Variants in IL23R observed in about 807,000 individuals in gnomAD.
IL23R encodes the protein interleukin-23 receptor.
In IL23R, 34 loss-of-function variants were observed where a neutral mutation model predicts 56.9. The ratio of observed to expected loss-of-function variants is 0.60; its 90% confidence interval spans 0.45 to 0.80. The LOEUF is 0.80. Ranked by LOEUF, IL23R falls within the 30% of genes least tolerant of loss-of-function variation. The pLI, the probability that IL23R is intolerant of heterozygous loss-of-function variation, is 0.00. For missense variants in IL23R, 635 were observed against 730.0 expected (o/e 0.87, Z 1.50); for synonymous variants, 230 against 249.2 (o/e 0.92, Z 0.73).
At chr1:67,243,662 G>A (rs1184373738) in intron 9 of IL23R, among the ~76,000 whole-genome samples, 1 of 152,178 alleles carries the variant, frequency 6.6e-6, no homozygotes, top group Non-Finnish European at 1.5e-5. Context: ...TGGCTGCATA[G>A]TATTCAATGA....
chr1:67,176,138 A>C (rs1054408590), intron 3 of IL23R, among the ~76,000 whole-genome samples: 1 of 152,168 alleles, frequency 6.6e-6, no homozygotes, highest in African/African-American at 2.4e-5. Flanking sequence ...GTTTTGGTGG[A>C]ATTGTGGAGG....
In IL23R at chr1:67,259,649, T is replaced by C. The variant is rs529289929; in HGVS notation, c.*521T>C. 6.3e-5 allele frequency: 10 copies of C among 159,698 alleles called. No homozygotes were observed. The highest frequency in any genetic ancestry group is 2.4e-4 in the African/African-American group (10 of 41,522). 9.9% of individuals were successfully genotyped at this position (159,698 alleles called of 1,614,324 possible). A position where few individuals can be genotyped will look rare whatever the true frequency, so the allele number is the denominator to read the frequency against. ...GCAAAATACCTGGTAGTAAAATAAA[T>C]GCTGAAAATTTTCCTTTAAAATAGA... On this transcript the variant is annotated 3_prime_UTR_variant, in exon 11 of 11. Coordinates refer to ENST00000347310, the MANE Select transcript of IL23R (RefSeq NM_144701.3).
At chr1:67,252,499 G>A (rs1652690197) in intron 9 of IL23R, among the ~76,000 whole-genome samples, 1 of 152,168 alleles carries the variant, frequency 6.6e-6, no homozygotes. Flanking sequence ...AACTTGGAGA[G>A]TTCAAAACAC....
intron 10 of IL23R, among the ~76,000 whole-genome samples, chr1:67,258,046 A>G (rs938725259): frequency 8.5e-5 from 13 of 152,266 alleles, no homozygotes; most frequent in African/African-American, 2.4e-4. Flanking sequence ...TATGTGAGCA[A>G]AATAGGATTC....
intron 7 of IL23R, among the ~76,000 whole-genome samples, chr1:67,226,617 C>T (rs777274498): frequency 2.3e-4 from 35 of 152,122 alleles, no homozygotes; most frequent in Non-Finnish European, 4.7e-4. Context: ...TACAGGATAG[C>T]GGGGCATAGC....
chr1:67,223,556 C>T (rs1221671417), intron 7 of IL23R, among the ~76,000 whole-genome samples: 1 of 152,030 alleles, frequency 6.6e-6, no homozygotes, highest in African/African-American at 2.4e-5. Context: ...TGAAAATGTA[C>T]CTTTTTTTCT....
At chr1:67,200,612 T>C (rs1648556341) in intron 4 of IL23R, 125 bp from the exon 5 acceptor site, 4 of 828,040 alleles carry the variant, frequency 4.8e-6, no homozygotes, top group Non-Finnish European at 6.0e-6. Context: ...CTCGAACTCC[T>C]GACCTCAGGT....
intron 4 of IL23R, among the ~76,000 whole-genome samples, chr1:67,198,844 C>T (rs1266410757): frequency 1.3e-5 from 2 of 152,156 alleles, no homozygotes; most frequent in African/African-American, 4.8e-5. Flanking sequence ...ACTCAGGAGG[C>T]TGGGGTGGGA....
intron 1 of IL23R, among the ~76,000 whole-genome samples, chr1:67,158,698 T>TC (rs1289413808): frequency 1.3e-5 from 2 of 152,038 alleles, no homozygotes; most frequent in Non-Finnish European, 2.9e-5. Flanking sequence ...AAGTCCTGCC[T>TC]CTGGAGTGAA....
intron 9 of IL23R, among the ~76,000 whole-genome samples, chr1:67,250,759 T>C: frequency 6.6e-6 from 1 of 152,166 alleles, no homozygotes; most frequent in East Asian, 1.9e-4. Context: ...ACAACACATA[T>C]ATAACTACAC....
chr1:67,191,591 A>C (rs531465061), intron 4 of IL23R, among the ~76,000 whole-genome samples: 2 of 151,956 alleles, frequency 1.3e-5, no homozygotes, highest in Admixed American at 6.6e-5. Flanking sequence ...TCTACCACCC[A>C]ATTTCTCTGT....
intron 7 of IL23R, among the ~76,000 whole-genome samples, chr1:67,235,585 G>C (rs1407089965): frequency 6.6e-6 from 1 of 151,876 alleles, no homozygotes; most frequent in Non-Finnish European, 1.5e-5. Context: ...GTAGAAACAG[G>C]GTTTCACCAT....
intron 6 of IL23R, among the ~76,000 whole-genome samples, chr1:67,210,163 G>A (rs1359280042): frequency 3.9e-5 from 6 of 152,116 alleles, no homozygotes; most frequent in East Asian, 3.8e-4. Context: ...AAAAGTGAAC[G>A]TCTAGAGAAA....
chr1:67,228,030 CT>C (rs796928220), intron 7 of IL23R, among the ~76,000 whole-genome samples: 544 of 53,240 alleles, frequency 0.01, 84 homozygotes, highest in African/African-American at 0.034. Flanking sequence ...TCCTTTCTTT[CT>C]TTTCTTTCTT....
chr1:67,199,475 G>C (rs143401391), intron 4 of IL23R, among the ~76,000 whole-genome samples: 1 of 152,210 alleles, frequency 6.6e-6, no homozygotes, highest in African/African-American at 2.4e-5. Context: ...AGCTATTCTG[G>C]CTATTCCAAG....
At chr1:67,195,632 G>A (rs911576117) in intron 4 of IL23R, among the ~76,000 whole-genome samples, 5 of 151,942 alleles carry the variant, frequency 3.3e-5, no homozygotes, top group African/African-American at 9.7e-5. Context: ...GTGATCTCAC[G>A]CTGGTATGAG....
At chr1:67,219,231 T>C (rs954384607) in intron 6 of IL23R, among the ~76,000 whole-genome samples, 1 of 151,472 alleles carries the variant, frequency 6.6e-6, no homozygotes, top group African/African-American at 2.4e-5. Context: ...AGCCAGGTGT[T>C]GTAGTGCATG....
At chr1:67,180,913 A>C (rs960165963) in intron 3 of IL23R, among the ~76,000 whole-genome samples, 2 of 152,182 alleles carry the variant, frequency 1.3e-5, no homozygotes, top group African/African-American at 2.4e-5. Context: ...ATCTGAGTTG[A>C]AAATTCTTTT....
At chr1:67,216,501 T>C (rs1046634506) in intron 6 of IL23R, among the ~76,000 whole-genome samples, 1 of 152,172 alleles carries the variant, frequency 6.6e-6, no homozygotes, top group Admixed American at 6.5e-5. Flanking sequence ...GGTAAACATT[T>C]TAGGCTTTGC....
Sources: allele counts gnomAD v4.1 joint callset (sites outside exome capture counted in the v4.1 genomes callset), GRCh38; gene constraint gnomAD v4.1.1; transcripts MANE v1.5; gene names NCBI Gene and HGNC (gene_info 2026-07-23, HGNC 2026-07-21).